BRWD1: variants seen among roughly 807,000 people sequenced by gnomAD.
BRWD1 encodes bromodomain and WD repeat-containing protein 1.
Under a neutral mutation model 251.2 loss-of-function variants are expected in BRWD1, and 82 were observed. That is an observed-to-expected ratio of 0.33 (90% CI 0.27 to 0.39). The LOEUF (loss-of-function observed/expected upper bound fraction) is 0.39, where lower values mean the gene tolerates loss of function less well. BRWD1 is among the 10% of genes least tolerant of loss of function. BRWD1 has a pLI of 1.00. For missense variants in BRWD1, 2,233 were observed against 2,711.6 expected (o/e 0.82, Z 3.92); for synonymous variants, 918 against 902.8 (o/e 1.02, Z -0.30).
intron 40 of BRWD1, among the ~76,000 whole-genome samples, chr21:39,197,875 A>T (rs1222756583): frequency 6.6e-6 from 1 of 152,190 alleles, no homozygotes; most frequent in Non-Finnish European, 1.5e-5. Context: ...CCTTCATTAT[A>T]ATCTTATGAG....
intron 34 of BRWD1, among the ~76,000 whole-genome samples, chr21:39,211,258 A>G (rs576511573): frequency 1.3e-5 from 2 of 152,316 alleles, no homozygotes; most frequent in Admixed American, 1.3e-4. Context: ...ATCTGATAAT[A>G]TGATAGGCAG....
intron 20 of BRWD1, among the ~76,000 whole-genome samples, chr21:39,249,973 GATAT>G (rs754949789): frequency 6.7e-6 from 1 of 148,584 alleles, no homozygotes; most frequent in Non-Finnish European, 1.5e-5. Flanking sequence ...CACACACATA[GATAT>G]ATATATATTT....
intron 13 of BRWD1, among the ~76,000 whole-genome samples, chr21:39,272,510 G>C (rs2035149603): frequency 6.7e-6 from 1 of 150,132 alleles, no homozygotes; most frequent in Non-Finnish European, 1.5e-5. Flanking sequence ...CTGGGCGACA[G>C]AGCAAGACTC....
intron 15 of BRWD1, among the ~76,000 whole-genome samples, chr21:39,269,529 C>T (rs2035035817): frequency 6.6e-6 from 1 of 151,844 alleles, no homozygotes; most frequent in Admixed American, 6.6e-5. Flanking sequence ...TTAATAATGT[C>T]ATTTTATTTT....
intron 4 of BRWD1, among the ~76,000 whole-genome samples, chr21:39,299,518 C>A (rs2036050698): frequency 6.6e-6 from 1 of 152,020 alleles, no homozygotes; most frequent in Non-Finnish European, 1.5e-5. Flanking sequence ...GAAAAATAAT[C>A]ATTTATTTAC....
chr21:39,196,760 G>A lies in BRWD1; in HGVS notation c.6309C>T (p.Thr2103=). Residue 2103 remains threonine (T), a synonymous_variant, in exon 41 of 41, where the codon ACC becomes ACT. Transcript: ENST00000342449. ...LRRWNGRRLR[T]YGKAPFSKTK... ...TCTTACTAAAAGGAGCCTTTCCATA[G>A]GTCCTGAGTCTTCTGCCATTCCACC... 1 of 1,613,328 alleles carries A rather than the reference G, an allele frequency of 6.2e-7. No homozygotes were observed. Among genetic ancestry groups the A allele is most frequent in the Non-Finnish European group, 8.5e-7 (1 of 1,179,886 alleles).
chr21:39,244,414 T>A (rs939124310), intron 21 of BRWD1, among the ~76,000 whole-genome samples: 2 of 149,646 alleles, frequency 1.3e-5, no homozygotes, highest in Non-Finnish European at 3.0e-5. Flanking sequence ...AACCTCCATA[T>A]CTGTACCTCA....
intron 18 of BRWD1, among the ~76,000 whole-genome samples, chr21:39,257,894 T>C (rs997977232): frequency 1.3e-5 from 2 of 152,194 alleles, no homozygotes; most frequent in Non-Finnish European, 2.9e-5. Flanking sequence ...TGTATCCTTC[T>C]TCCAACCTTT....
At chr21:39,252,384 C>G (rs1284312541) in intron 19 of BRWD1, among the ~76,000 whole-genome samples, 1 of 152,164 alleles carries the variant, frequency 6.6e-6, no homozygotes, top group Non-Finnish European at 1.5e-5. Flanking sequence ...TAGCTCTGCA[C>G]AGCTGTCATT....
At chr21:39,310,383 A>G (rs1311387918) in intron 4 of BRWD1, among the ~76,000 whole-genome samples, 2 of 152,170 alleles carry the variant, frequency 1.3e-5, no homozygotes, top group East Asian at 3.9e-4. Flanking sequence ...AGGTGCCTGT[A>G]ATCCCAGCAC....
intron 29 of BRWD1, among the ~76,000 whole-genome samples, chr21:39,219,032 A>T (rs1400397859): frequency 1.3e-5 from 1 of 76,310 alleles, no homozygotes; most frequent in Non-Finnish European, 2.6e-5. Flanking sequence ...ATTTTTAAAA[A>T]GTCAAGTCAA....
intron 17 of BRWD1, among the ~76,000 whole-genome samples, chr21:39,263,701 GA>G (rs1286187736): frequency 1.3e-5 from 2 of 152,156 alleles, no homozygotes; most frequent in African/African-American, 4.8e-5. Flanking sequence ...AGTAACAACC[GA>G]TTCAGGCAAA....
chr21:39,271,061 G>A (rs1456234292), intron 13 of BRWD1, among the ~76,000 whole-genome samples: 3 of 152,104 alleles, frequency 2.0e-5, no homozygotes, highest in Non-Finnish European at 2.9e-5. Flanking sequence ...TTGGGAGACC[G>A]AGGCAGGCAG....
intron 29 of BRWD1, chr21:39,219,729 G>A (rs1027557756): frequency 2.0e-5 from 3 of 152,198 alleles, no homozygotes; most frequent in Admixed American, 1.3e-4. Flanking sequence ...CAGTAGAGTT[G>A]ACCTATTAGA....
intron 31 of BRWD1, among the ~76,000 whole-genome samples, chr21:39,215,727 A>G (rs1014989777): frequency 3.3e-5 from 5 of 152,164 alleles, no homozygotes; most frequent in Non-Finnish European, 7.4e-5. Flanking sequence ...GCAAGCTGGG[A>G]TTACACCTGT....
chr21:39,277,135 T>C (rs2146692763), intron 11 of BRWD1, 116 bp downstream of exon 11: 6 of 586,494 alleles, frequency 1.0e-5, no homozygotes. Context: ...TGACAGTTCA[T>C]TTGTTCAACA....
rs1041895291 is a variant in BRWD1 at position 39,193,589 on chromosome 21, A to G, written c.*2670T>C. ...TGAATAAAACCATAGGACTTTGGAC[A>G]TACACAACCAAAGTAGTTTTTGTTT... is the stretch of plus-strand genomic sequence containing the variant. On this transcript the variant is annotated 3_prime_UTR_variant, in exon 41 of 41. Transcript: ENST00000342449. 2.1e-5 allele frequency: 21 copies of G among 985,298 alleles called. No individual in the cohort carries two copies. Among genetic ancestry groups the G allele is most frequent in the Non-Finnish European group, 2.4e-5 (20 of 829,596 alleles). 61.0% of individuals were successfully genotyped at this position (985,298 alleles called of 1,614,324 possible). A position where few individuals can be genotyped will look rare whatever the true frequency, so the allele number is the denominator to read the frequency against.
At chr21:39,259,123 G>T (rs1162201543) in intron 17 of BRWD1, among the ~76,000 whole-genome samples, 2 of 152,138 alleles carry the variant, frequency 1.3e-5, no homozygotes, top group African/African-American at 4.8e-5. Flanking sequence ...AAAAAGGGAG[G>T]TAAGACCTTT....
chr21:39,312,807 G>T (rs764969945), intron 4 of BRWD1, 34 bp downstream of exon 4: 1 of 1,577,882 alleles, frequency 6.3e-7, no homozygotes, highest in Admixed American at 1.7e-5. Context: ...GCGGTGCACG[G>T]AAAACCCGGG....
Sources: gnomAD v4.1 joint callset for allele counts (sites outside exome capture counted in the v4.1 genomes callset) on GRCh38, gnomAD v4.1.1 for gene constraint, MANE v1.5 for transcripts, NCBI Gene and HGNC (gene_info 2026-07-23, HGNC 2026-07-21) for gene names.